The following EPHB1 variants were observed in gnomAD, a reference collection of about 807,000 sequenced individuals.
EPHB1 encodes the protein ephrin type-B receptor 1.
A neutral mutation model predicts 94.4 loss-of-function variants in EPHB1; 30 were observed. The ratio of observed to expected loss-of-function variants is 0.32; its 90% confidence interval spans 0.24 to 0.43. The LOEUF (loss-of-function observed/expected upper bound fraction) is 0.43. Ranked by LOEUF, EPHB1 falls within the 20% of genes least tolerant of loss-of-function variation. The pLI is 1.00. For missense variants in EPHB1, 1,055 were observed against 1,308.3 expected (o/e 0.81, Z 2.99); for synonymous variants, 522 against 489.1 (o/e 1.07, Z -0.89).
intron 1 of EPHB1, among the ~76,000 whole-genome samples, chr3:134,802,679 T>G (rs1160800495): frequency 2.0e-5 from 3 of 152,214 alleles, no homozygotes; most frequent in African/African-American, 7.2e-5. Flanking sequence ...ACTGGTACCA[T>G]GTAGCATTAT....
chr3:135,219,505 C>G (rs1364653929), intron 12 of EPHB1, among the ~76,000 whole-genome samples: 1 of 151,822 alleles, frequency 6.6e-6, no homozygotes, highest in African/African-American at 2.4e-5. Context: ...CTGGCAAACA[C>G]CAGAAACTAG....
At chr3:134,869,648 G>C (rs1416411835) in intron 1 of EPHB1, among the ~76,000 whole-genome samples, 1 of 152,128 alleles carries the variant, frequency 6.6e-6, no homozygotes, top group Non-Finnish European at 1.5e-5. Flanking sequence ...AGAACTTTAA[G>C]ACTCTAAAGC....
chr3:135,250,143 G>T (rs552056079), intron 15 of EPHB1, among the ~76,000 whole-genome samples: 52 of 152,222 alleles, frequency 3.4e-4, no homozygotes, highest in African/African-American at 1.3e-3. Flanking sequence ...AATAAATTTG[G>T]GAAATATTGT....
chr3:135,083,550 G>T (rs141339629), intron 3 of EPHB1, among the ~76,000 whole-genome samples: 86 of 151,862 alleles, frequency 5.7e-4, no homozygotes, highest in African/African-American at 2.0e-3. Flanking sequence ...TTAGGGCAAG[G>T]CTCAGATCCC....
At chr3:135,217,714 T>C (rs1391754602) in intron 12 of EPHB1, among the ~76,000 whole-genome samples, 1 of 152,164 alleles carries the variant, frequency 6.6e-6, no homozygotes, top group Non-Finnish European at 1.5e-5. Context: ...CAGTACTCTG[T>C]TTCAGATTTT....
intron 1 of EPHB1, among the ~76,000 whole-genome samples, chr3:134,886,813 G>A (rs1358797949): frequency 6.6e-6 from 1 of 152,034 alleles, no homozygotes; most frequent in Non-Finnish European, 1.5e-5. Context: ...GTGAGTTTGA[G>A]TTTCGTATCC....
chr3:135,202,691 G>A (rs1942789977), intron 12 of EPHB1, among the ~76,000 whole-genome samples: 1 of 152,242 alleles, frequency 6.6e-6, no homozygotes, highest in Non-Finnish European at 1.5e-5. Context: ...ACGCCAATTA[G>A]AATGGCAATC....
chr3:134,907,004 G>A (rs530048224), intron 1 of EPHB1, among the ~76,000 whole-genome samples: 1 of 152,322 alleles, frequency 6.6e-6, no homozygotes, highest in Non-Finnish European at 1.5e-5. Flanking sequence ...GGCTAGACAA[G>A]TGCTATTTAT....
intron 1 of EPHB1, among the ~76,000 whole-genome samples, chr3:134,846,243 A>G (rs1222218058): frequency 2.0e-5 from 3 of 152,172 alleles, no homozygotes; most frequent in African/African-American, 7.2e-5. Flanking sequence ...TTGCAAATAC[A>G]GACCCATTTT....
At chr3:135,255,756 C>T (rs201527195) in intron 15 of EPHB1, among the ~76,000 whole-genome samples, 30,565 of 146,438 alleles carry the variant, frequency 0.21, 3,302 homozygotes, top group East Asian at 0.3. Context: ...GAGCTGAGTT[C>T]AATTCCTGGG....
At chr3:134,860,164 C>CAG (rs1553858698) in intron 1 of EPHB1, among the ~76,000 whole-genome samples, 3 of 131,340 alleles carry the variant, frequency 2.3e-5, no homozygotes, top group African/African-American at 6.9e-5. Context: ...CACACACACA[C>CAG]ACACACAGAC....
At chr3:135,117,000 G>T (rs1411809211) in intron 4 of EPHB1, among the ~76,000 whole-genome samples, 1 of 152,214 alleles carries the variant, frequency 6.6e-6, no homozygotes, top group Admixed American at 6.5e-5. Flanking sequence ...GTGTGACAAA[G>T]ACCAGGGATC....
chr3:135,023,812 G>A (rs895140423), intron 3 of EPHB1, among the ~76,000 whole-genome samples: 3 of 152,116 alleles, frequency 2.0e-5, no homozygotes, highest in Non-Finnish European at 1.5e-5. Flanking sequence ...AACTGTGTCA[G>A]GCATTGCTGT....
At chr3:135,121,289 A>G (rs902249863) in intron 4 of EPHB1, among the ~76,000 whole-genome samples, 1 of 152,226 alleles carries the variant, frequency 6.6e-6, no homozygotes, top group African/African-American at 2.4e-5. Flanking sequence ...ATTCCTATCC[A>G]GATCTGAATC....
At chr3:134,986,463 C>T (rs1347395308) in intron 3 of EPHB1, among the ~76,000 whole-genome samples, 1 of 152,178 alleles carries the variant, frequency 6.6e-6, no homozygotes, top group Non-Finnish European at 1.5e-5. Context: ...TCCCAGCCAA[C>T]ATGCGGCTGA....
chr3:135,092,515 A>T (rs1159949999), intron 3 of EPHB1, among the ~76,000 whole-genome samples: 3 of 152,094 alleles, frequency 2.0e-5, no homozygotes, highest in Non-Finnish European at 4.4e-5. Flanking sequence ...GCCCTCTGAG[A>T]ACTGATACTG....
intron 10 of EPHB1, among the ~76,000 whole-genome samples, chr3:135,183,297 G>T (rs1942239854): frequency 9.2e-6 from 1 of 108,592 alleles, no homozygotes; most frequent in Non-Finnish European, 1.8e-5. Flanking sequence ...CCTTCCTGGA[G>T]AGCTGGTAGT....
At chr3:135,092,462 G>A (rs1354278308) in intron 3 of EPHB1, among the ~76,000 whole-genome samples, 3 of 152,114 alleles carry the variant, frequency 2.0e-5, no homozygotes, top group African/African-American at 7.2e-5. Flanking sequence ...CCTCCCCGCT[G>A]CCCTCTAGCA....
intron 2 of EPHB1, among the ~76,000 whole-genome samples, chr3:134,937,563 T>C (rs2039028335): frequency 6.6e-6 from 1 of 152,238 alleles, no homozygotes; most frequent in Admixed American, 6.5e-5. Context: ...AGGAGCCCAT[T>C]TCCTTAGCCT....
Sources: gnomAD v4.1 joint callset for allele counts (sites outside exome capture counted in the v4.1 genomes callset) on GRCh38, gnomAD v4.1.1 for gene constraint, MANE v1.5 for transcripts, NCBI Gene and HGNC (gene_info 2026-07-23, HGNC 2026-07-21) for gene names.